ORC3: variants seen among roughly 807,000 people sequenced by gnomAD.
ORC3 encodes origin recognition complex subunit 3.
In ORC3, 78 loss-of-function variants were observed where a neutral mutation model predicts 100.7. The ratio of observed to expected loss-of-function variants is 0.77; its 90% CI spans 0.65 to 0.94. The LOEUF (loss-of-function observed/expected upper bound fraction) is 0.94. ORC3 is among the 40% of genes least tolerant of loss of function. The pLI is 0.00. For missense variants in ORC3, 789 were observed against 823.9 expected (o/e 0.96, Z 0.52); for synonymous variants, 295 against 289.3 (o/e 1.02, Z -0.20).
chr6:87,654,880 G>A (rs1769550041), intron 14 of ORC3, among the ~76,000 whole-genome samples: 1 of 152,150 alleles, frequency 6.6e-6, no homozygotes, highest in African/African-American at 2.4e-5. Context: ...AACAAATTCT[G>A]TGATATGCTA....
intron 16 of ORC3, among the ~76,000 whole-genome samples, chr6:87,661,936 G>A (rs1388993823): frequency 2.0e-5 from 3 of 151,992 alleles, no homozygotes; most frequent in Non-Finnish European, 4.4e-5. Flanking sequence ...TACATGCAAA[G>A]CAAATTTTTA....
chr6:87,612,678 C>G (rs1778867654), intron 8 of ORC3, among the ~76,000 whole-genome samples: 1 of 152,174 alleles, frequency 6.6e-6, no homozygotes, highest in African/African-American at 2.4e-5. Context: ...GTGACGAAAT[C>G]TTGGCTCACT....
intron 13 of ORC3, among the ~76,000 whole-genome samples, chr6:87,637,860 G>T (rs1024906917): frequency 3.3e-5 from 5 of 152,134 alleles, no homozygotes; most frequent in Admixed American, 6.5e-5. Flanking sequence ...TGTGTGCAAG[G>T]CACTTTGTTA....
intron 11 of ORC3, among the ~76,000 whole-genome samples, chr6:87,633,307 A>G (rs1295876834): frequency 6.6e-6 from 1 of 152,252 alleles, no homozygotes; most frequent in East Asian, 1.9e-4. Flanking sequence ...GTAAAAAACT[A>G]AAGAACTAAG....
intron 13 of ORC3, chr6:87,651,337 C>G (rs36090981): frequency 1.5e-5 from 7 of 455,428 alleles, no homozygotes; most frequent in Admixed American, 1.2e-4. Context: ...AAGTCAGTGC[C>G]GGTGATTCCT....
chr6:87,625,228 G>A (rs1779811739), intron 11 of ORC3, among the ~76,000 whole-genome samples: 1 of 152,150 alleles, frequency 6.6e-6, no homozygotes, highest in African/African-American at 2.4e-5. Context: ...GGATTGCTGG[G>A]TCAAATGGTA....
chr6:87,622,068 A>C (rs1779576969), intron 11 of ORC3, 55 bp downstream of exon 11: 1 of 1,112,006 alleles, frequency 9.0e-7, no homozygotes, highest in Non-Finnish European at 1.4e-6. Context: ...ATAAAGAAGA[A>C]TATGCATGTA....
intron 9 of ORC3, 136 bp downstream of exon 9, chr6:87,616,563 G>A: frequency 2.0e-6 from 1 of 489,782 alleles, no homozygotes; most frequent in Non-Finnish European, 3.8e-6. Context: ...TTTTATTCTA[G>A]GTTCTACAAT....
chr6:87,676,458 A>AC, the ORC3 span, among the ~76,000 whole-genome samples: 1 of 131,800 alleles, frequency 7.6e-6, no homozygotes, highest in South Asian at 2.4e-4. Context: ...AAAAAAAAAA[A>AC]AAAAAAAAAA....
chr6:87,634,832 C>T lies in ORC3; in HGVS notation c.1186-13C>T. The T allele has an allele frequency of 8.7e-7, 1 of 1,142,960 alleles. No homozygotes were observed. The highest frequency in any genetic ancestry group is 1.3e-6 in the Non-Finnish European group (1 of 752,142). The allele number at this position is 1,142,960 out of a possible 1,614,324, so 70.8% of individuals were successfully genotyped here. A position where few individuals can be genotyped will look rare whatever the true frequency, so the allele number is the denominator to read the frequency against. ...CTGACTTACATATTAATAATATATT[C>T]TGTGATTTTTAGGAGGAAACACAAT... On this transcript the variant is annotated splice_polypyrimidine_tract_variant and intron_variant, in intron 11 of 19. Coordinates refer to ENST00000392844, the MANE Select transcript of ORC3 (RefSeq NM_012381.4).
At position 87,622,527 on chromosome 6, in the gene ORC3, CAAAAG is replaced by C. The variant is rs1779609107; in HGVS notation, c.1185+517_1185+521del. Among the ~76,000 whole-genome samples, 8 of 151,896 alleles carry C rather than the reference CAAAAG, an allele frequency of 5.3e-5. No homozygotes were observed. The South Asian group carries it at 1.7e-3, about 32-fold the overall frequency. ...GTGAGCTGTACAACATAAGGAATAT[CAAAAG>C]AAGGAGGGCTTCTTTCTTGAATAAA... On this transcript the variant is annotated intron_variant, in intron 11 of 19. Transcript: ENST00000392844.
chr6:87,675,550 A>G, the ORC3 span: 1 of 1,611,602 alleles, frequency 6.2e-7, no homozygotes, highest in South Asian at 1.1e-5. Context: ...ACCTCTTGCA[A>G]CAACTCAACA....
chr6:87,610,934 C>CT (rs67349945), intron 7 of ORC3, among the ~76,000 whole-genome samples: 48,021 of 106,854 alleles, frequency 0.45, 12,265 homozygotes, highest in Non-Finnish European at 0.49. Flanking sequence ...TAGGACTTTT[C>CT]TTTTTTTTTT....
chr6:87,591,455 A>G (rs892072790), intron 1 of ORC3, among the ~76,000 whole-genome samples: 10 of 152,224 alleles, frequency 6.6e-5, no homozygotes, highest in African/African-American at 2.2e-4. Flanking sequence ...GTTTAAGGTT[A>G]TGCTAGTAGA....
chr6:87,657,176 T>C (rs1192224901), intron 15 of ORC3, 194 bp downstream of exon 15: 3 of 437,434 alleles, frequency 6.9e-6, no homozygotes, highest in Non-Finnish European at 1.2e-5. Flanking sequence ...CATATACACA[T>C]TCTGGAACCT....
chr6:87,602,954 A>ATTTAT lies in ORC3; in HGVS notation c.178-430_178-429insTTTAT, dbSNP rs1554236515. 5.4e-4 allele frequency among the ~76,000 whole-genome samples: 51 copies of ATTTAT among 95,232 alleles called. 2 individuals are homozygous for ATTTAT. The highest frequency in any genetic ancestry group is 3.0e-3 in the East Asian group (10 of 3,362). The allele number at this position is 95,232 out of a possible 152,430, so 62.5% of individuals were successfully genotyped here. ...CGTTTATATATATATACACATATAT[A>ATTTAT]ATATATATATATATATACATATATA... On this transcript the variant is annotated intron_variant, in intron 3 of 19. Transcript: ENST00000392844.
chr6:87,598,596 G>A (rs1777640107), intron 2 of ORC3, among the ~76,000 whole-genome samples: 1 of 150,332 alleles, frequency 6.7e-6, no homozygotes, highest in Admixed American at 6.6e-5. Flanking sequence ...ATAGTTTTTA[G>A]TACTAGTAAA....
intron 2 of ORC3, 46 bp downstream of exon 2, chr6:87,594,453 C>A (rs1201642601): frequency 2.7e-6 from 4 of 1,485,522 alleles, no homozygotes; most frequent in Admixed American, 3.8e-5. Flanking sequence ...CCTTCTTAAA[C>A]TATTAGGAAC....
Position 87,634,871 on chromosome 6 carries a change from CCTGCATGTTTAT to C in ORC3, c.1214_1225del (p.Leu405_Tyr408del). On this transcript the variant is annotated inframe_deletion, in exon 12 of 20. Transcript: ENST00000392844. The stretch of plus-strand genomic sequence containing the variant: ...AGGAAACACAATTATTACTAGAAAA[CCTGCATGTTTAT>C]CATATGAATTACTTCCTGGTTTTGA... 1 of 1,580,718 alleles carries C rather than the reference CCTGCATGTTTAT, an allele frequency of 6.3e-7. No individual in the cohort carries two copies. Among genetic ancestry groups the C allele is most frequent in the South Asian group, 1.1e-5 (1 of 90,412 alleles).
Sources: allele counts gnomAD v4.1 joint callset (sites outside exome capture counted in the v4.1 genomes callset), GRCh38; gene constraint gnomAD v4.1.1; transcripts MANE v1.5; gene names NCBI Gene and HGNC (gene_info 2026-07-23, HGNC 2026-07-21).